KCNB2: variants seen among roughly 807,000 people sequenced by gnomAD.
The protein encoded by KCNB2 is potassium voltage-gated channel subfamily B member 2.
KCNB2 carries 15 observed loss-of-function variants against 61.5 expected under a neutral mutation model. That is an observed-to-expected ratio of 0.24 (90% confidence interval 0.16 to 0.38). KCNB2 has a LOEUF of 0.38. KCNB2 is among the 10% of genes least tolerant of loss of function. The pLI, the probability that KCNB2 is intolerant of heterozygous loss-of-function variation, is 1.00. For synonymous variants in KCNB2, 457 were observed against 446.0 expected (o/e 1.02, Z -0.31); for missense variants, 828 against 1,125.2 (o/e 0.74, Z 3.78).
intron 2 of KCNB2, among the ~76,000 whole-genome samples, chr8:72,795,354 A>T (rs1021241567): frequency 3.3e-5 from 5 of 152,246 alleles, no homozygotes; most frequent in African/African-American, 1.2e-4. Flanking sequence ...AAAATGACCT[A>T]TTCTGGGACT....
intron 2 of KCNB2, among the ~76,000 whole-genome samples, chr8:72,613,667 G>A (rs1308308599): frequency 6.6e-6 from 1 of 152,134 alleles, no homozygotes; most frequent in Admixed American, 6.6e-5. Context: ...GTCTTTCCTA[G>A]CCACTCAGGG....
intron 2 of KCNB2, among the ~76,000 whole-genome samples, chr8:72,573,883 T>C (rs977693307): frequency 3.9e-5 from 6 of 152,058 alleles, no homozygotes; most frequent in African/African-American, 1.2e-4. Context: ...GTTTCTGTAT[T>C]GGTGGTTTAC....
intron 2 of KCNB2, among the ~76,000 whole-genome samples, chr8:72,863,521 C>T (rs1805452395): frequency 6.6e-6 from 1 of 152,150 alleles, no homozygotes; most frequent in Non-Finnish European, 1.5e-5. Flanking sequence ...TATCAGCATC[C>T]CTATCAGCAG....
intron 2 of KCNB2, chr8:72,874,869 T>C (rs1805678155): frequency 6.6e-6 from 1 of 152,236 alleles, no homozygotes; most frequent in African/African-American, 2.4e-5. Flanking sequence ...AGCAGACTAA[T>C]AGCATCCTCA....
chr8:72,565,717 CAT>C (rs1806615096), intron 1 of KCNB2, among the ~76,000 whole-genome samples: 1 of 151,972 alleles, frequency 6.6e-6, no homozygotes, highest in African/African-American at 2.4e-5. Flanking sequence ...ATACACATAA[CAT>C]ATAAACACAG....
chr8:72,597,494 T>A (rs1469139363), intron 2 of KCNB2, among the ~76,000 whole-genome samples: 1 of 152,224 alleles, frequency 6.6e-6, no homozygotes, highest in Non-Finnish European at 1.5e-5. Context: ...TTCATGAACA[T>A]TTTTTAAAAG....
At chr8:72,736,217 G>T (rs1363185242) in intron 2 of KCNB2, among the ~76,000 whole-genome samples, 3 of 151,724 alleles carry the variant, frequency 2.0e-5, no homozygotes, top group African/African-American at 7.3e-5. Context: ...TGGATTCTCT[G>T]ATGGCCATAT....
At chr8:72,629,416 A>G (rs999229493) in intron 2 of KCNB2, among the ~76,000 whole-genome samples, 6 of 152,206 alleles carry the variant, frequency 3.9e-5, no homozygotes, top group Non-Finnish European at 8.8e-5. Flanking sequence ...TTTGTTTTAC[A>G]CAGTATCTCA....
At chr8:72,713,386 G>A (rs1807361522) in intron 2 of KCNB2, among the ~76,000 whole-genome samples, 1 of 152,186 alleles carries the variant, frequency 6.6e-6, no homozygotes, top group South Asian at 2.1e-4. Context: ...TGACCCCCAA[G>A]TACCCTAACT....
rs1806514518 is a variant in KCNB2, at chr8:72,561,688, CTTTTATATATATATATATA to C, written c.-93-5952_-93-5934del. Among the ~76,000 whole-genome samples, 3 of 30,896 alleles carry C rather than the reference CTTTTATATATATATATATA, an allele frequency of 9.7e-5. 1 individual carries two copies. The South Asian group carries it at 2.9e-3, about 30-fold the overall frequency. 20.3% of individuals were successfully genotyped at this position (30,896 alleles called of 152,430 possible). Reference sequence around the variant, plus strand: ...ATAGCTGAAAATTTCCAGGATCTTACTTTTATATATATATATATATATATATATATATATATATATCTAT... The same window carrying C: ...ATAGCTGAAAATTTCCAGGATCTTACTATATATATATATATATATATCTAT... On this transcript the variant is annotated intron_variant, in intron 1 of 2. Coordinates refer to ENST00000523207, the MANE Select transcript of KCNB2 (RefSeq NM_004770.3).
chr8:72,735,355 CT>C (rs1459867486), intron 2 of KCNB2, among the ~76,000 whole-genome samples: 3 of 152,046 alleles, frequency 2.0e-5, no homozygotes, highest in African/African-American at 7.2e-5. Flanking sequence ...CATTATTTTG[CT>C]CATAAAAGTC....
At chr8:72,711,437 G>A (rs948668992) in intron 2 of KCNB2, among the ~76,000 whole-genome samples, 2 of 152,170 alleles carry the variant, frequency 1.3e-5, no homozygotes, top group African/African-American at 4.8e-5. Flanking sequence ...ACACTGAAGA[G>A]TCTATCTATA....
chr8:72,869,498 GC>G (rs1805582694), intron 2 of KCNB2, among the ~76,000 whole-genome samples: 1 of 150,242 alleles, frequency 6.7e-6, no homozygotes, highest in African/African-American at 2.4e-5. Context: ...CAACTCAATA[GC>G]AAAAAATAAA....
chr8:72,567,541 C>T (rs2128978984), intron 1 of KCNB2, 101 bp from the exon 2 acceptor site: 2 of 518,010 alleles, frequency 3.9e-6, no homozygotes, highest in East Asian at 3.0e-5. Flanking sequence ...TGTATTCAGT[C>T]GTTAATATTG....
At chr8:72,583,847 G>T (rs535941150) in intron 2 of KCNB2, among the ~76,000 whole-genome samples, 2 of 148,856 alleles carry the variant, frequency 1.3e-5, no homozygotes, top group African/African-American at 5.0e-5. Flanking sequence ...TAAAACTGGG[G>T]TTTATGGGTA....
At chr8:72,750,814 T>C (rs993881152) in intron 2 of KCNB2, 1 of 152,186 alleles carries the variant, frequency 6.6e-6, no homozygotes, top group African/African-American at 2.4e-5. Flanking sequence ...ACAGGGGCAA[T>C]AACCACCTTA....
At chr8:72,917,235 A>G (rs951415008) in intron 2 of KCNB2, among the ~76,000 whole-genome samples, 4 of 152,242 alleles carry the variant, frequency 2.6e-5, no homozygotes, top group African/African-American at 9.6e-5. Flanking sequence ...TCAAAGTGAA[A>G]TAAACTCATG....
intron 2 of KCNB2, among the ~76,000 whole-genome samples, chr8:72,662,156 T>A (rs998531664): frequency 3.9e-5 from 6 of 152,138 alleles, no homozygotes; most frequent in Non-Finnish European, 8.8e-5. Context: ...TAGCAATCCA[T>A]GGGCTCTGGG....
intron 2 of KCNB2, chr8:72,751,964 G>GTC (rs1808197773): frequency 6.6e-6 from 1 of 152,244 alleles, no homozygotes; most frequent in African/African-American, 2.4e-5. Context: ...GACAGAGCGA[G>GTC]GCCTGTGGTG....
Sources: gnomAD v4.1 joint callset for allele counts (sites outside exome capture counted in the v4.1 genomes callset) on GRCh38, gnomAD v4.1.1 for gene constraint, MANE v1.5 for transcripts, NCBI Gene and HGNC (gene_info 2026-07-23, HGNC 2026-07-21) for gene names.